The following ANO10 variants were observed in gnomAD, a reference collection of about 807,000 sequenced individuals.
ANO10 encodes anoctamin-10.
A neutral mutation model predicts 74.7 loss-of-function variants in ANO10; 77 were observed. The ratio of observed to expected loss-of-function variants is 1.03; its 90% confidence interval spans 0.86 to 1.25. ANO10 has a LOEUF of 1.25. Among genes scored for constraint, ANO10 ranks in the 50% most tolerant of loss-of-function variants. The probability of loss-of-function intolerance (pLI) is 0.00; values close to 1 mark genes in which losing one functional copy is unlikely to be tolerated. For synonymous variants in ANO10, 279 were observed against 284.9 expected, an observed-to-expected ratio of 0.98 and a Z score of 0.21; for missense variants, 721 against 778.1, an observed-to-expected ratio of 0.93 and a Z score of 0.87.
intron 11 of ANO10, among the ~76,000 whole-genome samples, chr3:43,540,823 C>T (rs1194446266): frequency 6.6e-6 from 1 of 152,204 alleles, no homozygotes; most frequent in Non-Finnish European, 1.5e-5. Flanking sequence ...GTATCTCTTG[C>T]ATAATTCTGT....
intron 1 of ANO10, among the ~76,000 whole-genome samples, chr3:43,631,934 G>A (rs970284631): frequency 7.2e-5 from 11 of 151,782 alleles, no homozygotes; most frequent in East Asian, 1.9e-4. Flanking sequence ...AATATAGAGC[G>A]TGGTGGTGGG....
intron 1 of ANO10, chr3:43,690,970 C>T (rs779262076): frequency 3.8e-6 from 6 of 1,567,944 alleles, no homozygotes; most frequent in South Asian, 1.2e-5. Context: ...GAGATAAGTC[C>T]CGGCGCTTGC....
intron 11 of ANO10, among the ~76,000 whole-genome samples, chr3:43,453,972 G>A (rs551594186): frequency 1.3e-5 from 2 of 152,274 alleles, no homozygotes; most frequent in South Asian, 4.1e-4. Flanking sequence ...TTTTAGAGAA[G>A]ACATATAATT....
chr3:43,399,123 T>G (rs953635447), intron 12 of ANO10, among the ~76,000 whole-genome samples: 1 of 152,236 alleles, frequency 6.6e-6, no homozygotes. Flanking sequence ...CCACCATGCC[T>G]GGACAGATAG....
chr3:43,416,321 C>T (rs1053062505), intron 12 of ANO10, among the ~76,000 whole-genome samples: 3 of 152,180 alleles, frequency 2.0e-5, no homozygotes, highest in Non-Finnish European at 4.4e-5. Context: ...AAGATTCTTT[C>T]CAAACTGGTT....
intron 1 of ANO10, among the ~76,000 whole-genome samples, chr3:43,680,526 G>A (rs2084181699): frequency 6.6e-6 from 1 of 152,212 alleles, no homozygotes; most frequent in Non-Finnish European, 1.5e-5. Flanking sequence ...TTATCCAGGA[G>A]AACTTCCCCA....
At chr3:43,510,082 C>T (rs1292732840) in intron 11 of ANO10, among the ~76,000 whole-genome samples, 1 of 152,002 alleles carries the variant, frequency 6.6e-6, no homozygotes, top group Non-Finnish European at 1.5e-5. Context: ...TGGAGCAGTC[C>T]TGTATTTTGA....
chr3:43,372,918 CT>C (rs1575591250), intron 12 of ANO10: 2 of 1,435,022 alleles, frequency 1.4e-6, no homozygotes, highest in East Asian at 5.0e-5. Flanking sequence ...CTTGTGAAGC[CT>C]CTTTTTTTCA....
chr3:43,373,210 G>T (rs1303965958), intron 12 of ANO10, among the ~76,000 whole-genome samples: 1 of 151,946 alleles, frequency 6.6e-6, no homozygotes, highest in Non-Finnish European at 1.5e-5. Flanking sequence ...CAAGCTGGGT[G>T]AGGGTCAGGG....
Position 43,565,596 on chromosome 3 carries a change from A to G in ANO10, c.1293+57T>C, listed in dbSNP as rs138503041. 11 of 1,321,710 alleles carry G rather than the reference A, an allele frequency of 8.3e-6. No homozygotes were observed. The African/African-American group carries it at 1.5e-4, about 18-fold the overall frequency. 81.9% of individuals were successfully genotyped at this position (1,321,710 alleles called of 1,614,324 possible). ...TTGAAGGCAATTACAGCATCTAAAG[A>G]TAGAAAACCACCTCTATGACCTAAA... On this transcript the variant is annotated intron_variant, in intron 8 of 12. Transcript: ENST00000292246.
chr3:43,594,689 C>T (rs1377654550), intron 4 of ANO10, among the ~76,000 whole-genome samples: 1 of 152,124 alleles, frequency 6.6e-6, no homozygotes, highest in Non-Finnish European at 1.5e-5. Context: ...ACCCTAACAT[C>T]ACAATTAAAA....
At chr3:43,375,461 T>C in intron 12 of ANO10, among the ~76,000 whole-genome samples, 1 of 151,462 alleles carries the variant, frequency 6.6e-6, no homozygotes, top group South Asian at 2.1e-4. Flanking sequence ...AAAAAGAGAA[T>C]CAAGTTTTAA....
intron 11 of ANO10, among the ~76,000 whole-genome samples, chr3:43,532,589 TTGAC>T (rs1349166489): frequency 2.0e-5 from 3 of 152,178 alleles, no homozygotes; most frequent in Admixed American, 6.5e-5. Context: ...TATAATAAAA[TTGAC>T]TGGTGTATTG....
intron 11 of ANO10, among the ~76,000 whole-genome samples, chr3:43,449,567 T>G (rs1190375199): frequency 6.6e-6 from 1 of 151,352 alleles, no homozygotes. Context: ...CAGCACCCTT[T>G]GTTGAAAGGA....
At chr3:43,571,914 A>T (rs1263286765) in intron 7 of ANO10, among the ~76,000 whole-genome samples, 7 of 151,816 alleles carry the variant, frequency 4.6e-5, no homozygotes, top group Non-Finnish European at 7.4e-5. Context: ...TCTAAATGAA[A>T]TGGTAAAGAC....
At chr3:43,640,874 AG>A in intron 1 of ANO10, among the ~76,000 whole-genome samples, 1 of 152,314 alleles carries the variant, frequency 6.6e-6, no homozygotes, top group Middle Eastern at 3.4e-3. Flanking sequence ...CAGTCATGCG[AG>A]TAAACAGAGA....
At chr3:43,472,198 G>A (rs555216164) in intron 11 of ANO10, among the ~76,000 whole-genome samples, 1 of 152,224 alleles carries the variant, frequency 6.6e-6, no homozygotes, top group African/African-American at 2.4e-5. Flanking sequence ...GGCAAAACTC[G>A]TAGGGAGAGA....
At chr3:43,628,114 G>T (rs1029439859) in intron 1 of ANO10, among the ~76,000 whole-genome samples, 1 of 152,074 alleles carries the variant, frequency 6.6e-6, no homozygotes, top group Non-Finnish European at 1.5e-5. Flanking sequence ...CTCCTTTCTT[G>T]TCTTGTTTCT....
intron 1 of ANO10, among the ~76,000 whole-genome samples, chr3:43,639,318 AT>A (rs2083647372): frequency 6.6e-6 from 1 of 152,200 alleles, no homozygotes; most frequent in Non-Finnish European, 1.5e-5. Flanking sequence ...CAGAGATCAG[AT>A]GACTCAGCCA....
Sources: gnomAD v4.1 joint callset for allele counts (sites outside exome capture counted in the v4.1 genomes callset) on GRCh38, gnomAD v4.1.1 for gene constraint, MANE v1.5 for transcripts, NCBI Gene and HGNC (gene_info 2026-07-23, HGNC 2026-07-21) for gene names.